NAIP: variants seen among roughly 807,000 people sequenced by gnomAD.
NAIP encodes baculoviral IAP repeat-containing protein 1.
NAIP carries 15 observed loss-of-function variants against 23.0 expected under a neutral mutation model. The observed-to-expected ratio is 0.65, with a 90% CI of 0.44 to 1.00. The LOEUF is 1.00. Among genes scored for constraint, NAIP ranks in the 50% least tolerant of loss-of-function variants. The probability of loss-of-function intolerance (pLI) is 0.00; values close to 1 mark genes in which losing one functional copy is unlikely to be tolerated. For missense variants in NAIP, 265 were observed against 278.8 expected (o/e 0.95, Z 0.35); for synonymous variants, 100 against 100.2 (o/e 1.00, Z 0.01).
chr5:71,007,301 A>T (rs207732), intron 5 of NAIP, among the ~76,000 whole-genome samples: 1 of 85,272 alleles, frequency 1.2e-5, no homozygotes, highest in South Asian at 4.7e-4. Context: ...AAATGATTTC[A>T]CAATTCTAGC....
chr5:71,003,009 A>ACT, intron 6 of NAIP: 1 of 52,182 alleles, frequency 1.9e-5, no homozygotes, highest in Non-Finnish European at 3.3e-5. Flanking sequence ...ACACACACAC[A>ACT]CACACACACA....
chr5:71,010,207 T>C (rs1450883256), intron 5 of NAIP, among the ~76,000 whole-genome samples: 1 of 151,332 alleles, frequency 6.6e-6, no homozygotes, highest in East Asian at 1.9e-4. Context: ...ACCTGGGCTC[T>C]AGCAATCTTC....
chr5:70,978,290 G>C (rs1750394138), intron 13 of NAIP, among the ~76,000 whole-genome samples: 1 of 149,862 alleles, frequency 6.7e-6, no homozygotes, highest in African/African-American at 2.5e-5. Flanking sequence ...GGGGACTATA[G>C]GTGCACACCA....
At chr5:70,977,595 G>T (rs1393418402) in intron 13 of NAIP, among the ~76,000 whole-genome samples, 1 of 133,436 alleles carries the variant, frequency 7.5e-6, no homozygotes, top group African/African-American at 3.0e-5. Context: ...AACCCAGGAG[G>T]CAGAGGTTGC....
chr5:71,012,826 A>G lies in NAIP; in HGVS notation c.90T>C (p.Asp30=). ...CTAGTTCCTTTGCCAACTGAACTGCATCTAGGCCCAGAAGAGCAGACAGCT... is the reference window on the plus strand; with the variant it reads ...CTAGTTCCTTTGCCAACTGAACTGCGTCTAGGCCCAGAAGAGCAGACAGCT... ...LPELSALLGL[D]AVQLAKELEE... Residue 30 remains aspartate, a synonymous_variant, in exon 4 of 17, where the codon GAT becomes GAC. Transcript: ENST00000517649. 1 of 1,611,920 alleles carries G rather than the reference A, an allele frequency of 6.2e-7. No individual in the cohort carries two copies. The highest frequency in any genetic ancestry group is 8.5e-7 in the Non-Finnish European group (1 of 1,178,500).
chr5:71,016,003 G>A (rs1462961999), intron 3 of NAIP, among the ~76,000 whole-genome samples: 1 of 140,306 alleles, frequency 7.1e-6, no homozygotes, highest in East Asian at 2.1e-4. Flanking sequence ...GAACAACTGA[G>A]GGTGCGGTGA....
intron 13 of NAIP, among the ~76,000 whole-genome samples, 174 bp downstream of exon 13, chr5:70,979,695 T>C (rs1308531713): frequency 8.5e-6 from 1 of 117,620 alleles, no homozygotes; most frequent in Non-Finnish European, 1.7e-5. Flanking sequence ...AAAGGCTCAA[T>C]AATTACAAAC....
intron 5 of NAIP, among the ~76,000 whole-genome samples, chr5:71,009,056 T>A (rs913827323): frequency 6.7e-6 from 1 of 148,222 alleles, no homozygotes; most frequent in Non-Finnish European, 1.5e-5. Flanking sequence ...CTTAAGGGGC[T>A]GAGCACAGTG....
rs1222506915 is a variant in NAIP at position 70,996,792 on chromosome 5, CAAAAAAAAAA to C, written c.1022+1922_1022+1931del. ...TGGGCGACAAAGTGAGACTCCATCTCAAAAAAAAAAAAAAAAAAAAATTAAGCAGATGGCT... is the reference window on the plus strand; with the variant it reads ...TGGGCGACAAAGTGAGACTCCATCTCAAAAAAAAAAATTAAGCAGATGGCT... On this transcript the variant is annotated intron_variant, in intron 9 of 16. Coordinates refer to ENST00000517649, the MANE Select transcript of NAIP (RefSeq NM_004536.3). 6.1e-3 allele frequency among the ~76,000 whole-genome samples: 393 copies of C among 64,196 alleles called. 2 individuals are homozygous for C. The highest frequency in any genetic ancestry group is 0.056 in the Middle Eastern group (6 of 108). 42.1% of individuals were successfully genotyped at this position (64,196 alleles called of 152,430 possible).
intron 5 of NAIP, among the ~76,000 whole-genome samples, chr5:71,010,467 A>G (rs369965231): frequency 6.6e-6 from 1 of 151,350 alleles, no homozygotes; most frequent in African/African-American, 2.4e-5. Flanking sequence ...ACATGGTTTC[A>G]CCGTGTTAGC....
chr5:70,977,982 T>G (rs575104), intron 13 of NAIP, among the ~76,000 whole-genome samples: 1 of 123,126 alleles, frequency 8.1e-6, no homozygotes, highest in Non-Finnish European at 1.8e-5. Context: ...GGTGACAGAT[T>G]GAGACTCTGT....
intron 5 of NAIP, among the ~76,000 whole-genome samples, chr5:71,009,620 G>A (rs940620192): frequency 8.6e-5 from 13 of 151,452 alleles, no homozygotes; most frequent in Non-Finnish European, 1.2e-4. Flanking sequence ...TACCTGAGAG[G>A]TGGAGGTTGC....
At chr5:71,014,469 T>C (rs1580938969) in intron 3 of NAIP, among the ~76,000 whole-genome samples, 1 of 151,590 alleles carries the variant, frequency 6.6e-6, no homozygotes, top group Non-Finnish European at 1.5e-5. Context: ...TTTCTAAGAA[T>C]TTTACCATTT....
chr5:70,977,424 G>A (rs1580907850), intron 13 of NAIP, among the ~76,000 whole-genome samples: 1 of 143,396 alleles, frequency 7.0e-6, no homozygotes, highest in East Asian at 2.1e-4. Context: ...AGCACTTTGG[G>A]AGGCCGAGGC....
intron 13 of NAIP, among the ~76,000 whole-genome samples, chr5:70,978,160 T>C: frequency 8.2e-6 from 1 of 121,424 alleles, no homozygotes; most frequent in East Asian, 2.3e-4. Flanking sequence ...TTTTTTTTTT[T>C]TTTTTTTTTG....
At chr5:71,009,380 A>G (rs1391710680) in intron 5 of NAIP, among the ~76,000 whole-genome samples, 14 of 146,616 alleles carry the variant, frequency 9.5e-5, no homozygotes, top group African/African-American at 3.1e-4. Context: ...AAAAAAAAAG[A>G]AAAGAAAGAA....
chr5:71,009,953 A>G (rs1580930337), intron 5 of NAIP, among the ~76,000 whole-genome samples: 1 of 151,588 alleles, frequency 6.6e-6, no homozygotes, highest in Non-Finnish European at 1.5e-5. Flanking sequence ...ACTAAAGACC[A>G]CTGCAGTAAT....
At chr5:71,003,039 G>A in intron 6 of NAIP, 1 of 47,086 alleles carries the variant, frequency 2.1e-5, no homozygotes, top group Non-Finnish European at 3.6e-5. Flanking sequence ...ACACACGCAT[G>A]CAAGCTGTGA....
Position 71,012,541 on chromosome 5 carries a change from C to T in NAIP, c.375G>A (p.Gly125=). The change falls in exon 4 of 17, where the codon GGG becomes GGA. Residue 125 remains glycine (G), a synonymous_variant. Coordinates refer to ENST00000517649, the MANE Select transcript of NAIP (RefSeq NM_004536.3). ...TACCAACATCCTTGTTCAAAAGGAA[C>T]CCACAATCTGGATGAAACCTCTTGT... is the stretch of plus-strand genomic sequence containing the variant. ...EDHKRFHPDC[G]FLLNKDVGNI... 4.3e-6 allele frequency: 7 copies of T among 1,611,726 alleles called. No homozygotes were observed. The highest frequency in any genetic ancestry group is 5.9e-6 in the Non-Finnish European group (7 of 1,178,466).
Sources: allele counts gnomAD v4.1 joint callset (sites outside exome capture counted in the v4.1 genomes callset), GRCh38; gene constraint gnomAD v4.1.1; transcripts MANE v1.5; gene names NCBI Gene and HGNC (gene_info 2026-07-23, HGNC 2026-07-21).